Variants in SCHIP1 observed in about 807,000 individuals in gnomAD.
SCHIP1 encodes schwannomin interacting protein 1, also known as schwannomin-interacting protein 1.
Under a neutral mutation model 29.7 loss-of-function variants are expected in SCHIP1, and 8 were observed. That is an observed-to-expected ratio of 0.27 (90% CI 0.16 to 0.49). The LOEUF is 0.49. Among genes scored for constraint, SCHIP1 ranks in the 20% least tolerant of loss-of-function variants. SCHIP1 has a pLI of 0.99. For synonymous variants in SCHIP1, 76 were observed against 94.9 expected, an observed-to-expected ratio of 0.80 and a Z score of 1.16; for missense variants, 193 against 294.6, an observed-to-expected ratio of 0.66 and a Z score of 2.52.
the SCHIP1 span, among the ~76,000 whole-genome samples, chr3:159,411,944 C>T: frequency 6.6e-6 from 1 of 152,244 alleles, no homozygotes; most frequent in East Asian, 1.9e-4. Flanking sequence ...AGAGCAAAAT[C>T]AGGCCATGAA....
the SCHIP1 span, among the ~76,000 whole-genome samples, chr3:159,828,399 A>ATATATATG: frequency 2.0e-5 from 1 of 49,656 alleles, no homozygotes; most frequent in Non-Finnish European, 3.5e-5. Flanking sequence ...ATATATACGT[A>ATATATATG]TATATATACG....
At chr3:159,837,135 T>G (rs1743738910), upstream of SCHIP1, among the ~76,000 whole-genome samples, 1 of 151,888 alleles carries the variant, frequency 6.6e-6, no homozygotes, top group South Asian at 2.1e-4. Context: ...CAACACATGA[T>G]AAATGTCTTT....
At chr3:159,777,865 T>C in the SCHIP1 span, among the ~76,000 whole-genome samples, 1 of 152,374 alleles carries the variant, frequency 6.6e-6, no homozygotes, top group South Asian at 2.1e-4. Flanking sequence ...GTTGAAAATA[T>C]AAAGGTTGGG....
the SCHIP1 span, among the ~76,000 whole-genome samples, chr3:159,595,005 A>C: frequency 2.0e-5 from 3 of 152,166 alleles, no homozygotes; most frequent in African/African-American, 7.2e-5. Flanking sequence ...AATCTGTCAT[A>C]AATTCAAGGG....
chr3:159,509,406 C>G, the SCHIP1 span, among the ~76,000 whole-genome samples: 1 of 152,180 alleles, frequency 6.6e-6, no homozygotes, highest in Non-Finnish European at 1.5e-5. Context: ...ACTGATGGAT[C>G]TTGACTCTTT....
chr3:159,881,204 G>A (rs1283155999), intron 2 of SCHIP1, among the ~76,000 whole-genome samples: 1 of 152,134 alleles, frequency 6.6e-6, no homozygotes, highest in East Asian at 1.9e-4. Context: ...TGTGTTTTTA[G>A]ATACTTGAGT....
At chr3:159,619,471 T>A in the SCHIP1 span, among the ~76,000 whole-genome samples, 1 of 152,222 alleles carries the variant, frequency 6.6e-6, no homozygotes, top group Non-Finnish European at 1.5e-5. Flanking sequence ...GAAACCCCAC[T>A]GAGCCACCAG....
chr3:159,874,319 C>A (rs2109324239), intron 2 of SCHIP1, among the ~76,000 whole-genome samples: 1 of 152,266 alleles, frequency 6.6e-6, no homozygotes, highest in South Asian at 2.1e-4. Context: ...CAGAAATTCC[C>A]CAGAGAACTT....
chr3:159,586,628 G>T, the SCHIP1 span, among the ~76,000 whole-genome samples: 39 of 152,200 alleles, frequency 2.6e-4, no homozygotes, highest in African/African-American at 8.7e-4. Flanking sequence ...CTCAGCCTCC[G>T]TGTCACCCAG....
At chr3:159,692,574 C>G in the SCHIP1 span, among the ~76,000 whole-genome samples, 38 of 152,294 alleles carry the variant, frequency 2.5e-4, 1 homozygote, top group African/African-American at 9.1e-4. Context: ...TCAGCTCCAT[C>G]AGGTCATTTA....
chr3:159,549,345 G>T, the SCHIP1 span, among the ~76,000 whole-genome samples: 1 of 152,086 alleles, frequency 6.6e-6, no homozygotes, highest in Non-Finnish European at 1.5e-5. Context: ...CATTGTTATG[G>T]TCTAAATGTT....
chr3:159,393,487 T>C, the SCHIP1 span, among the ~76,000 whole-genome samples: 1 of 152,124 alleles, frequency 6.6e-6, no homozygotes, highest in Non-Finnish European at 1.5e-5. Context: ...AATTGATTTT[T>C]GTATAAGGTG....
At chr3:159,371,668 C>T in the SCHIP1 span, among the ~76,000 whole-genome samples, 4 of 152,140 alleles carry the variant, frequency 2.6e-5, no homozygotes, top group Non-Finnish European at 5.9e-5. Flanking sequence ...CCAAAATTCA[C>T]GGATGCTGAG....
the SCHIP1 span, among the ~76,000 whole-genome samples, chr3:159,611,888 G>A: frequency 1.3e-5 from 2 of 151,524 alleles, no homozygotes; most frequent in Non-Finnish European, 2.9e-5. Context: ...TCCTCTCCTC[G>A]GTGTCTTTCT....
chr3:159,878,746 C>A (rs1716128973), intron 2 of SCHIP1, among the ~76,000 whole-genome samples: 1 of 149,646 alleles, frequency 6.7e-6, no homozygotes, highest in Non-Finnish European at 1.5e-5. Context: ...CCACTGCACT[C>A]CAGCCTGGGC....
chr3:159,680,063 C>T, the SCHIP1 span, among the ~76,000 whole-genome samples: 3 of 152,008 alleles, frequency 2.0e-5, no homozygotes, highest in East Asian at 1.9e-4. Flanking sequence ...AAACACACTA[C>T]GTGCGTTACT....
the SCHIP1 span, among the ~76,000 whole-genome samples, chr3:159,447,597 A>G: frequency 6.6e-6 from 1 of 152,192 alleles, no homozygotes; most frequent in African/African-American, 2.4e-5. Context: ...TACCAATCAA[A>G]CAAATCACTT....
At chr3:159,866,497 T>C (rs992824471) in intron 2 of SCHIP1, among the ~76,000 whole-genome samples, 3 of 152,158 alleles carry the variant, frequency 2.0e-5, no homozygotes, top group Admixed American at 2.0e-4. Flanking sequence ...TCCCAGCTAC[T>C]TGAGGTCAGA....
At chr3:159,763,345 A>G in the SCHIP1 span, among the ~76,000 whole-genome samples, 1 of 152,104 alleles carries the variant, frequency 6.6e-6, no homozygotes, top group Admixed American at 6.5e-5. Flanking sequence ...TCCGCGTGGA[A>G]TAGGAGGCGC....
Sources: allele counts gnomAD v4.1 joint callset (sites outside exome capture counted in the v4.1 genomes callset), GRCh38; gene constraint gnomAD v4.1.1; transcripts MANE v1.5; gene names NCBI Gene and HGNC (gene_info 2026-07-23, HGNC 2026-07-21).